DLGAP1: variants seen among roughly 807,000 people sequenced by gnomAD.
The protein encoded by DLGAP1 is DLG associated protein 1, also known as disks large-associated protein 1.
A neutral mutation model predicts 90.8 loss-of-function variants in DLGAP1; 11 were observed. The observed-to-expected ratio is 0.12, with a 90% CI of 0.08 to 0.20. DLGAP1 has a LOEUF of 0.20. Among genes scored for constraint, DLGAP1 ranks in the 10% least tolerant of loss-of-function variants. DLGAP1 has a pLI of 1.00. For missense variants in DLGAP1, 1,050 were observed against 1,333.8 expected (o/e 0.79, Z 3.31); for synonymous variants, 558 against 540.7 (o/e 1.03, Z -0.44).
chr18:4,175,962 A>G (rs2144621505), intron 1 of DLGAP1, among the ~76,000 whole-genome samples: 1 of 152,318 alleles, frequency 6.6e-6, no homozygotes, highest in South Asian at 2.1e-4. Context: ...AATTCTGCGA[A>G]GAAAGTCAGT....
intron 9 of DLGAP1, among the ~76,000 whole-genome samples, chr18:3,545,984 A>G (rs2052990076): frequency 6.6e-6 from 1 of 152,258 alleles, no homozygotes; most frequent in African/African-American, 2.4e-5. Context: ...TAGAACTACT[A>G]GAAGAAATAG....
intron 2 of DLGAP1, among the ~76,000 whole-genome samples, chr18:4,114,942 ATTT>A: frequency 6.6e-6 from 1 of 152,092 alleles, no homozygotes; most frequent in Non-Finnish European, 1.5e-5. Flanking sequence ...CATATTTAAT[ATTT>A]TATTGTAATA....
chr18:4,375,686 C>A (rs926396622), intron 1 of DLGAP1, among the ~76,000 whole-genome samples: 2 of 152,172 alleles, frequency 1.3e-5, no homozygotes, highest in Non-Finnish European at 2.9e-5. Context: ...GAGTTTTAAA[C>A]ATCATACTAG....
At chr18:4,322,120 A>G (rs909090994) in intron 1 of DLGAP1, among the ~76,000 whole-genome samples, 3 of 152,104 alleles carry the variant, frequency 2.0e-5, no homozygotes, top group Admixed American at 1.3e-4. Flanking sequence ...GAATGGCTTG[A>G]ACCCGGGAGG....
intron 1 of DLGAP1, among the ~76,000 whole-genome samples, chr18:4,304,793 C>T (rs568853611): frequency 9.7e-4 from 147 of 152,080 alleles, no homozygotes; most frequent in African/African-American, 3.2e-3. Context: ...TAGCTGGGCG[C>T]GGTGGCGGGC....
Position 4,072,610 on chromosome 18 carries a change from T to C in DLGAP1, c.-158-67409A>G, listed in dbSNP as rs1320093651. The stretch of plus-strand genomic sequence containing the variant: ...TCAGCCTCCAGAGTAGCTGGAATTA[T>C]GGCTGCATGCCACTGCACGCAGCTA... On this transcript the variant is annotated intron_variant, in intron 2 of 12. Transcript: ENST00000315677. Among the ~76,000 whole-genome samples the C allele has an allele frequency of 7.9e-5, 12 of 152,166 alleles. No homozygotes were observed. In the East Asian group the frequency reaches 1.6e-3, roughly 20 times the overall value.
At position 4,320,717 on chromosome 18, in the gene DLGAP1, TACACACACACACACAC is replaced by T. The variant is rs71160954; in HGVS notation, c.-267+134273_-267+134288del. 7.0e-3 allele frequency among the ~76,000 whole-genome samples: 1,026 copies of T among 146,920 alleles called. 8 individuals are homozygous for T. Among genetic ancestry groups the T allele is most frequent in the South Asian group, 0.029 (129 of 4,474 alleles). ...GTGGTGGAAACCCTAATTACAATTT[TACACACACACACACAC>T]ACACACACACACACACACACACACA... On this transcript the variant is annotated intron_variant, in intron 1 of 12. Coordinates refer to ENST00000315677, the MANE Select transcript of DLGAP1 (RefSeq NM_004746.4).
chr18:3,629,512 A>G (rs2058440711), intron 7 of DLGAP1, among the ~76,000 whole-genome samples: 1 of 152,050 alleles, frequency 6.6e-6, no homozygotes, highest in Non-Finnish European at 1.5e-5. Flanking sequence ...TCTACTAAAA[A>G]TACAAAAAAA....
intron 5 of DLGAP1, among the ~76,000 whole-genome samples, chr18:3,779,414 G>A (rs1474740221): frequency 6.6e-6 from 1 of 152,160 alleles, no homozygotes; most frequent in East Asian, 1.9e-4. Flanking sequence ...AAAACTTTCA[G>A]TGGTTTCCAT....
chr18:4,297,550 T>A (rs62088065), intron 1 of DLGAP1, among the ~76,000 whole-genome samples: 3,307 of 152,288 alleles, frequency 0.022, 46 homozygotes, highest in Admixed American at 0.031. Flanking sequence ...TTGGTTATTT[T>A]CACATTTCAG....
chr18:3,746,214 A>G (rs1826291658), intron 5 of DLGAP1, among the ~76,000 whole-genome samples: 1 of 152,224 alleles, frequency 6.6e-6, no homozygotes, highest in African/African-American at 2.4e-5. Flanking sequence ...CCTACTAAGC[A>G]TATAGATGAA....
intron 1 of DLGAP1, among the ~76,000 whole-genome samples, chr18:4,421,368 G>C (rs1206852963): frequency 6.6e-6 from 1 of 152,056 alleles, no homozygotes; most frequent in Non-Finnish European, 1.5e-5. Context: ...GGCCCACACA[G>C]AGAATCTAGT....
At chr18:3,724,929 C>T (rs2062110649) in intron 7 of DLGAP1, among the ~76,000 whole-genome samples, 2 of 150,136 alleles carry the variant, frequency 1.3e-5, no homozygotes, top group South Asian at 4.2e-4. Context: ...CCCAACCAAA[C>T]AGAAAAACCC....
chr18:4,312,335 T>C (rs1254786814), intron 1 of DLGAP1, among the ~76,000 whole-genome samples: 1 of 152,170 alleles, frequency 6.6e-6, no homozygotes, highest in East Asian at 1.9e-4. Flanking sequence ...AACATGGTCT[T>C]ACCACTACAT....
At chr18:3,631,590 T>C (rs1484641254) in intron 7 of DLGAP1, among the ~76,000 whole-genome samples, 1 of 151,438 alleles carries the variant, frequency 6.6e-6, no homozygotes, top group Non-Finnish European at 1.5e-5. Flanking sequence ...CTACAAATAG[T>C]AAAAATATTA....
chr18:4,375,957 T>C (rs188881443), intron 1 of DLGAP1, among the ~76,000 whole-genome samples: 49 of 152,322 alleles, frequency 3.2e-4, no homozygotes, highest in African/African-American at 1.1e-3. Flanking sequence ...CTGTGATATA[T>C]AGACATTTGG....
At chr18:4,371,337 T>G (rs1041350187) in intron 1 of DLGAP1, among the ~76,000 whole-genome samples, 4 of 152,214 alleles carry the variant, frequency 2.6e-5, no homozygotes, top group Admixed American at 2.6e-4. Flanking sequence ...AGAAGTACAT[T>G]CCTCTCCTAT....
At chr18:3,584,511 G>C (rs1337880347) in intron 7 of DLGAP1, among the ~76,000 whole-genome samples, 1 of 152,210 alleles carries the variant, frequency 6.6e-6, no homozygotes, top group African/African-American at 2.4e-5. Flanking sequence ...ATGATTTGGA[G>C]TAATTTCCTT....
intron 2 of DLGAP1, among the ~76,000 whole-genome samples, chr18:4,019,580 A>T (rs1408878998): frequency 6.6e-6 from 1 of 152,172 alleles, no homozygotes. Context: ...GGCAAATATA[A>T]CTTATTGGCA....
Sources: allele counts gnomAD v4.1 joint callset (sites outside exome capture counted in the v4.1 genomes callset), GRCh38; gene constraint gnomAD v4.1.1; transcripts MANE v1.5; gene names NCBI Gene and HGNC (gene_info 2026-07-23, HGNC 2026-07-21).